PPP5C: variants seen among roughly 807,000 people sequenced by gnomAD.
The protein encoded by PPP5C is protein phosphatase 5 catalytic subunit, also known as serine/threonine-protein phosphatase 5.
Under a neutral mutation model 66.7 loss-of-function variants are expected in PPP5C, and 21 were observed. The observed-to-expected ratio is 0.31, with a 90% CI of 0.22 to 0.45. The LOEUF is 0.45. Among genes scored for constraint, PPP5C ranks in the 20% least tolerant of loss-of-function variants. The pLI is 1.00. For missense variants in PPP5C, 464 were observed against 675.9 expected, an observed-to-expected ratio of 0.69 and a Z score of 3.48; for synonymous variants, 246 against 257.4, an observed-to-expected ratio of 0.96 and a Z score of 0.43.
At chr19:46,351,744 G>C (rs1972189339) in intron 1 of PPP5C, among the ~76,000 whole-genome samples, 1 of 152,216 alleles carries the variant, frequency 6.6e-6, no homozygotes. Flanking sequence ...TTTGTTTTTG[G>C]GAAGTCCCGG....
At chr19:46,359,932 A>AC (rs1429523796) in intron 2 of PPP5C, among the ~76,000 whole-genome samples, 1 of 152,042 alleles carries the variant, frequency 6.6e-6, no homozygotes, top group Non-Finnish European at 1.5e-5. Flanking sequence ...GGCACCTGCC[A>AC]CACACCTGGC....
intron 2 of PPP5C, among the ~76,000 whole-genome samples, chr19:46,371,797 C>G (rs960687588): frequency 6.6e-6 from 1 of 152,190 alleles, no homozygotes; most frequent in Non-Finnish European, 1.5e-5. Flanking sequence ...CCTGACTTCC[C>G]CCAGCTGCCT....
At chr19:46,360,342 G>A (rs181086506) in intron 2 of PPP5C, among the ~76,000 whole-genome samples, 232 of 152,110 alleles carry the variant, frequency 1.5e-3, no homozygotes, top group African/African-American at 5.3e-3. Flanking sequence ...CATTTCCTAC[G>A]TGACAATACT....
At chr19:46,356,820 T>A (rs965274545) in intron 2 of PPP5C, among the ~76,000 whole-genome samples, 1 of 152,206 alleles carries the variant, frequency 6.6e-6, no homozygotes, top group Admixed American at 6.5e-5. Context: ...GGATGTGATA[T>A]AAAAATCCCT....
At chr19:46,382,508 G>T (rs1006143709) in intron 4 of PPP5C, 1 of 152,200 alleles carries the variant, frequency 6.6e-6, no homozygotes, top group Non-Finnish European at 1.5e-5. Flanking sequence ...TTTGGAAATC[G>T]TCAGACCTAC....
At chr19:46,369,850 C>T (rs551557165) in intron 2 of PPP5C, among the ~76,000 whole-genome samples, 12 of 144,296 alleles carry the variant, frequency 8.3e-5, no homozygotes, top group African/African-American at 2.6e-4. Context: ...TGCTTGAACC[C>T]GGGAGGCGGA....
rs1972827675 is a variant in PPP5C, at chr19:46,383,371, C to T, written c.634-40C>T. On this transcript the variant is annotated intron_variant, in intron 4 of 12. Coordinates refer to ENST00000012443, the MANE Select transcript of PPP5C (RefSeq NM_006247.4). The surrounding 1 kb of genome is among the most constrained non-coding windows in gnomAD (Gnocchi z 5.0). ...CTTTCGGGGCCAGGTTGGGCAGCAG[C>T]CCCTGCAGCCGGTCCCACTGAGTCT... 1.3e-6 allele frequency: 2 copies of T among 1,596,956 alleles called. No homozygotes were observed. The highest frequency in any genetic ancestry group is 8.5e-7 in the Non-Finnish European group (1 of 1,172,294).
chr19:46,354,925 C>A (rs917920302), intron 2 of PPP5C, among the ~76,000 whole-genome samples: 1 of 152,246 alleles, frequency 6.6e-6, no homozygotes, highest in African/African-American at 2.4e-5. Context: ...TAATGAAAAT[C>A]CTGACGGTAT....
chr19:46,349,256 T>C (rs966199360), intron 1 of PPP5C, among the ~76,000 whole-genome samples: 5 of 151,676 alleles, frequency 3.3e-5, no homozygotes. Flanking sequence ...ATCACACCAC[T>C]GCATTCCAGC....
At chr19:46,353,636 G>T in intron 1 of PPP5C, 112 bp from the exon 2 acceptor site, 2 of 1,477,708 alleles carry the variant, frequency 1.4e-6, no homozygotes, top group African/African-American at 2.8e-5. Flanking sequence ...CTGGGCTCAG[G>T]GTAGCCCTCA....
Position 46,383,068 on chromosome 19 carries a change from G to A in PPP5C, c.634-343G>A. ...TTTTTTGGGAGACTCTTTTATGACAGTGACATTGCGCTGTGTCCAGGCCAG... is the reference window on the plus strand; with the variant it reads ...TTTTTTGGGAGACTCTTTTATGACAATGACATTGCGCTGTGTCCAGGCCAG... On this transcript the variant is annotated intron_variant, in intron 4 of 12. Transcript: ENST00000012443. This position sits in a 1 kb window ranked among gnomAD's most constrained non-coding sequence, Gnocchi z 5.0. 1 of 1,119,780 alleles carries A rather than the reference G, an allele frequency of 8.9e-7. No homozygotes were observed. The highest frequency in any genetic ancestry group is 1.7e-5 in the South Asian group (1 of 59,934). 69.4% of individuals were successfully genotyped at this position (1,119,780 alleles called of 1,614,324 possible).
At position 46,388,229 on chromosome 19, in the gene PPP5C, G is replaced by C. The variant is rs1472724547; in HGVS notation, c.1136-179G>C. ...GGGCAGATCAGCAGAGAGGGTGGGG[G>C]TGGCTCAGAATCACAGTCACCTGTC... On this transcript the variant is annotated intron_variant, in intron 9 of 12. Coordinates refer to ENST00000012443, the MANE Select transcript of PPP5C (RefSeq NM_006247.4). This position sits in a 1 kb window ranked among gnomAD's most constrained non-coding sequence, Gnocchi z 4.9. 1 of 638,362 alleles carries C rather than the reference G, an allele frequency of 1.6e-6. No homozygotes were observed. 39.5% of individuals were successfully genotyped at this position (638,362 alleles called of 1,614,324 possible).
At chr19:46,382,996 C>A in intron 4 of PPP5C, 1 of 1,102,574 alleles carries the variant, frequency 9.1e-7, no homozygotes, top group Non-Finnish European at 1.1e-6. Flanking sequence ...ACCAGTGTTG[C>A]CTATGACCTG....
chr19:46,386,276 G>A (rs1484272297), intron 7 of PPP5C, among the ~76,000 whole-genome samples: 1 of 152,232 alleles, frequency 6.6e-6, no homozygotes, highest in Non-Finnish European at 1.5e-5. Flanking sequence ...CCACACAGGG[G>A]AGGCCCTGCC....
chr19:46,347,804 T>C (rs1031209904), intron 1 of PPP5C, among the ~76,000 whole-genome samples: 1 of 152,060 alleles, frequency 6.6e-6, no homozygotes, highest in Non-Finnish European at 1.5e-5. Flanking sequence ...GGGCACCCAT[T>C]CATTCATTAA....
intron 2 of PPP5C, among the ~76,000 whole-genome samples, chr19:46,368,216 T>C (rs1435855341): frequency 6.6e-6 from 1 of 152,240 alleles, no homozygotes; most frequent in Non-Finnish European, 1.5e-5. Flanking sequence ...GTTTGGCCTA[T>C]GCAGAAGACG....
At chr19:46,350,182 C>T (rs926094963) in intron 1 of PPP5C, among the ~76,000 whole-genome samples, 5 of 152,074 alleles carry the variant, frequency 3.3e-5, no homozygotes, top group African/African-American at 7.2e-5. Context: ...AGAGGCCAGA[C>T]CAGGGCTGGG....
chr19:46,353,613 T>C (rs1972230475), intron 1 of PPP5C, 135 bp from the exon 2 acceptor site: 1 of 1,322,932 alleles, frequency 7.6e-7, no homozygotes, highest in East Asian at 2.5e-5. Context: ...AGGGGCAGGC[T>C]GAAGAGATGT....
intron 1 of PPP5C, among the ~76,000 whole-genome samples, chr19:46,350,623 G>T (rs1972167426): frequency 6.6e-6 from 1 of 152,194 alleles, no homozygotes; most frequent in East Asian, 1.9e-4. Flanking sequence ...CAATAAAAAA[G>T]AATAATGACA....
Sources: gnomAD v4.1 joint callset for allele counts (sites outside exome capture counted in the v4.1 genomes callset) on GRCh38, gnomAD v4.1.1 for gene constraint, Gnocchi (gnomAD v3.1) non-coding constraint, MANE v1.5 for transcripts, NCBI Gene and HGNC (gene_info 2026-07-23, HGNC 2026-07-21) for gene names.